FOXP1: variants seen among roughly 807,000 people sequenced by gnomAD.
The protein encoded by FOXP1 is forkhead box P1, also known as forkhead box protein P1.
Under a neutral mutation model 98.2 loss-of-function variants are expected in FOXP1, and 15 were observed. The observed-to-expected ratio is 0.15, with a 90% confidence interval of 0.10 to 0.24. The LOEUF is 0.24. Ranked by LOEUF, FOXP1 falls within the 10% of genes least tolerant of loss-of-function variation. The probability of loss-of-function intolerance (pLI) is 1.00; values close to 1 mark genes in which losing one functional copy is unlikely to be tolerated. For missense variants in FOXP1, 633 were observed against 848.5 expected, an observed-to-expected ratio of 0.75 and a Z score of 3.15; for synonymous variants, 371 against 314.5, an observed-to-expected ratio of 1.18 and a Z score of -1.90.
intron 2 of FOXP1, among the ~76,000 whole-genome samples, chr3:71,508,636 C>G (rs922254385): frequency 6.6e-6 from 1 of 152,198 alleles, no homozygotes; most frequent in Admixed American, 6.5e-5. Context: ...CTACTCAATA[C>G]GTTTTATAGC....
intron 4 of FOXP1, chr3:71,334,318 G>C (rs971874754): frequency 6.6e-6 from 1 of 152,178 alleles, no homozygotes; most frequent in Admixed American, 6.5e-5. Context: ...TGAGGCATGA[G>C]AATCGTTTGA....
intron 11 of FOXP1, among the ~76,000 whole-genome samples, chr3:71,025,495 T>C (rs1559751374): frequency 6.6e-6 from 1 of 152,146 alleles, no homozygotes; most frequent in Non-Finnish European, 1.5e-5. Flanking sequence ...TATAACAAGA[T>C]GGATGGACAT....
In FOXP1 at chr3:71,110,942, A is replaced by G. The variant is rs73838173; in HGVS notation, c.282+1594T>C. On this transcript the variant is annotated intron_variant, in intron 7 of 20. Coordinates refer to ENST00000649528, the MANE Select transcript of FOXP1 (RefSeq NM_001349338.3). Reference sequence around the variant, plus strand: ...ACATGGTCTGGTGATGGTTTACCAAATAAGTGTTTACAGAAGGGTTAGTAA... The same window carrying G: ...ACATGGTCTGGTGATGGTTTACCAAGTAAGTGTTTACAGAAGGGTTAGTAA... Among the ~76,000 whole-genome samples, 750 of 152,346 alleles carry G rather than the reference A, an allele frequency of 4.9e-3. 9 individuals are homozygous for G. Among genetic ancestry groups the G allele is most frequent in the African/African-American group, 0.017 (721 of 41,584 alleles).
chr3:71,277,172 A>G (rs1034618380), intron 5 of FOXP1, among the ~76,000 whole-genome samples: 20 of 151,270 alleles, frequency 1.3e-4, no homozygotes, highest in African/African-American at 4.8e-4. Context: ...GTTAGCCAGG[A>G]TCATCTCGAT....
At chr3:71,376,745 T>C (rs2079744781) in intron 3 of FOXP1, among the ~76,000 whole-genome samples, 1 of 152,204 alleles carries the variant, frequency 6.6e-6, no homozygotes, top group Non-Finnish European at 1.5e-5. Flanking sequence ...CTCGATGGCA[T>C]CACACCATGG....
chr3:71,583,157 C>A (rs1401855764), intron 1 of FOXP1, among the ~76,000 whole-genome samples: 1 of 152,056 alleles, frequency 6.6e-6, no homozygotes, highest in Admixed American at 6.5e-5. Flanking sequence ...ATTGATTTCT[C>A]TCCCCTAGGC....
At chr3:71,262,707 T>C (rs1346993064) in intron 5 of FOXP1, among the ~76,000 whole-genome samples, 12 of 152,172 alleles carry the variant, frequency 7.9e-5, no homozygotes, top group Non-Finnish European at 1.5e-4. Context: ...TCCTGTGTAA[T>C]GGATTTGGAG....
chr3:71,141,379 C>T (rs2060064029), intron 6 of FOXP1, among the ~76,000 whole-genome samples: 1 of 151,832 alleles, frequency 6.6e-6, no homozygotes, highest in Non-Finnish European at 1.5e-5. Context: ...AAGGACGACA[C>T]AAAAATCATT....
intron 17 of FOXP1, among the ~76,000 whole-genome samples, chr3:70,973,029 A>AAGTAT (rs2036611559): frequency 3.9e-5 from 6 of 152,206 alleles, no homozygotes; most frequent in Non-Finnish European, 1.5e-5. Context: ...GCCCTTTTTA[A>AAGTAT]GCCCACCTAC....
At chr3:71,395,504 C>A (rs893638876) in intron 3 of FOXP1, among the ~76,000 whole-genome samples, 2 of 151,804 alleles carry the variant, frequency 1.3e-5, no homozygotes, top group Non-Finnish European at 2.9e-5. Flanking sequence ...TCAAAAGTCA[C>A]CTCCTCTGAG....
rs752141860 is a variant in FOXP1, at chr3:71,198,213, G to C, written c.169C>G (p.Gln57Glu). 1.4e-5 allele frequency: 23 copies of C among 1,613,980 alleles called. No individual in the cohort carries two copies. The highest frequency in any genetic ancestry group is 8.5e-7 in the Non-Finnish European group (1 of 1,180,050). The change falls in exon 6 of 21, where the codon CAG becomes GAG. Residue 57 changes from glutamine (Q) to glutamate (E), a missense_variant. This residue lies in a region of FOXP1 where 103 missense variants were observed against 85.5 expected (regional missense o/e 1.20). Coordinates refer to ENST00000649528, the MANE Select transcript of FOXP1 (RefSeq NM_001349338.3). Reference sequence around the variant, plus strand: ...CCAAAGCCCAGTACCTGTTGCTGCTGCTGCTGGGCGTGGGCGAGGTCAGCT... The same window carrying C: ...CCAAAGCCCAGTACCTGTTGCTGCTCCTGCTGGGCGTGGGCGAGGTCAGCT... Reference protein sequence around the residue: ...GAADLAHAQQQQQQALQVARQ... With the variant: ...GAADLAHAQQEQQQALQVARQ...
At chr3:71,357,512 G>C (rs2078245486) in intron 4 of FOXP1, among the ~76,000 whole-genome samples, 1 of 152,214 alleles carries the variant, frequency 6.6e-6, no homozygotes, top group South Asian at 2.1e-4. Flanking sequence ...CATAATGGTT[G>C]CTCAGTAAGC....
At chr3:71,370,235 A>G (rs1366274244) in intron 3 of FOXP1, among the ~76,000 whole-genome samples, 1 of 151,454 alleles carries the variant, frequency 6.6e-6, no homozygotes, top group Non-Finnish European at 1.5e-5. Flanking sequence ...GGCCAAATAG[A>G]TTGAGTAATA....
intron 7 of FOXP1, among the ~76,000 whole-genome samples, chr3:71,095,758 C>T (rs1054322555): frequency 1.3e-5 from 2 of 152,146 alleles, no homozygotes; most frequent in Admixed American, 6.5e-5. Flanking sequence ...AGTTAGCGAT[C>T]TGGTGAGACA....
chr3:71,207,321 C>T (rs1446204334), intron 5 of FOXP1, among the ~76,000 whole-genome samples: 2 of 151,060 alleles, frequency 1.3e-5, no homozygotes, highest in Non-Finnish European at 2.9e-5. Flanking sequence ...AGATTAATGA[C>T]TGGCGTGATC....
intron 5 of FOXP1, among the ~76,000 whole-genome samples, chr3:71,201,850 G>A (rs116019682): frequency 6.6e-6 from 1 of 152,096 alleles, no homozygotes; most frequent in African/African-American, 2.4e-5. Context: ...TCCCATACCA[G>A]GGACTTGATC....
intron 4 of FOXP1, among the ~76,000 whole-genome samples, chr3:71,348,514 T>C (rs1357416501): frequency 1.1e-5 from 1 of 94,300 alleles, no homozygotes; most frequent in Non-Finnish European, 2.2e-5. Context: ...TCAGTGTGTG[T>C]GTGTGTGCGT....
At chr3:71,113,752 T>TAAAATAAAATAAAATAAAATAA (rs1273379683) in intron 6 of FOXP1, among the ~76,000 whole-genome samples, 11 of 150,528 alleles carry the variant, frequency 7.3e-5, no homozygotes, top group African/African-American at 2.4e-4. Flanking sequence ...TAAAATAAAA[T>TAAAATAAAATAAAATAAAATAA]AAAATAAAAG....
At chr3:71,323,756 A>G (rs1374906367) in intron 4 of FOXP1, among the ~76,000 whole-genome samples, 1 of 152,230 alleles carries the variant, frequency 6.6e-6, no homozygotes, top group Non-Finnish European at 1.5e-5. Flanking sequence ...ATATTTCCGT[A>G]AAACTTCAAC....
Sources: allele counts gnomAD v4.1 joint callset (sites outside exome capture counted in the v4.1 genomes callset), GRCh38; gene constraint gnomAD v4.1.1; regional missense constraint gnomAD v4.1.1; transcripts MANE v1.5; gene names NCBI Gene and HGNC (gene_info 2026-07-23, HGNC 2026-07-21).